The following SPOPL variants were observed in gnomAD, a reference collection of about 807,000 sequenced individuals.
SPOPL encodes the protein speckle-type POZ protein-like.
A neutral mutation model predicts 53.8 loss-of-function variants in SPOPL; 23 were observed. The ratio of observed to expected loss-of-function variants is 0.43; its 90% confidence interval spans 0.31 to 0.61. SPOPL has a LOEUF of 0.61. SPOPL is among the 20% of genes least tolerant of loss of function. SPOPL has a pLI of 0.12. For missense variants in SPOPL, 442 were observed against 466.9 expected (o/e 0.95, Z 0.49); for synonymous variants, 164 against 149.7 (o/e 1.10, Z -0.70).
intron 1 of SPOPL, among the ~76,000 whole-genome samples, chr2:138,502,795 T>G (rs1456658679): frequency 1.3e-5 from 2 of 152,198 alleles, no homozygotes; most frequent in Non-Finnish European, 2.9e-5. Flanking sequence ...TCCTAATTCT[T>G]TTTGAGTCAA....
chr2:138,513,639 C>G (rs1419936258), intron 1 of SPOPL, among the ~76,000 whole-genome samples: 1 of 151,604 alleles, frequency 6.6e-6, no homozygotes, highest in Non-Finnish European at 1.5e-5. Flanking sequence ...ACTCAGGAAG[C>G]TGAGGCAGGA....
At chr2:138,527,897 T>A (rs1028221992) in intron 1 of SPOPL, among the ~76,000 whole-genome samples, 1 of 152,212 alleles carries the variant, frequency 6.6e-6, no homozygotes, top group African/African-American at 2.4e-5. Flanking sequence ...CTCAACGTGA[T>A]GACTTCCCTG....
At chr2:138,547,363 C>T (rs989747120) in intron 1 of SPOPL, among the ~76,000 whole-genome samples, 6 of 152,198 alleles carry the variant, frequency 3.9e-5, no homozygotes, top group African/African-American at 1.2e-4. Context: ...AAGATAATAA[C>T]TCTTCTAGAG....
intron 1 of SPOPL, among the ~76,000 whole-genome samples, chr2:138,519,550 G>C (rs984492635): frequency 2.0e-5 from 3 of 152,194 alleles, no homozygotes. Flanking sequence ...AATATTGTAT[G>C]TGAAGAATAA....
At chr2:138,561,316 A>G (rs149816103) in intron 8 of SPOPL, among the ~76,000 whole-genome samples, 1,658 of 152,308 alleles carry the variant, frequency 0.011, 34 homozygotes, top group African/African-American at 0.038. Context: ...TTCTCTCCAC[A>G]TAGAGATTGT....
chr2:138,505,032 T>C (rs1684184445), intron 1 of SPOPL, among the ~76,000 whole-genome samples: 1 of 152,126 alleles, frequency 6.6e-6, no homozygotes, highest in Non-Finnish European at 1.5e-5. Context: ...GCAACATAGT[T>C]CTCATCTATT....
At chr2:138,567,015 T>A (rs943922621) in intron 10 of SPOPL, among the ~76,000 whole-genome samples, 1 of 152,178 alleles carries the variant, frequency 6.6e-6, no homozygotes, top group African/African-American at 2.4e-5. Context: ...TAGTAGTTGA[T>A]CATTCATTTG....
intron 1 of SPOPL, among the ~76,000 whole-genome samples, chr2:138,507,785 T>C (rs746666833): frequency 6.6e-6 from 1 of 152,234 alleles, no homozygotes; most frequent in Admixed American, 6.5e-5. Flanking sequence ...TGTGGAGGTA[T>C]CTTTTTAATA....
At chr2:138,562,715 C>T (rs1188971415) in intron 8 of SPOPL, among the ~76,000 whole-genome samples, 4 of 141,942 alleles carry the variant, frequency 2.8e-5, no homozygotes, top group Admixed American at 2.3e-4. Flanking sequence ...ACCCAGGAGG[C>T]AGAGGTTGCA....
intron 5 of SPOPL, chr2:138,554,413 G>A (rs760998112): frequency 8.4e-6 from 10 of 1,195,114 alleles, no homozygotes; most frequent in South Asian, 7.7e-5. Flanking sequence ...GTTCCACCCC[G>A]CTCACGGATG....
chr2:138,541,523 A>G lies in SPOPL; in HGVS notation c.-60-8634A>G, dbSNP rs182329984. On this transcript the variant is annotated intron_variant, in intron 1 of 10. Transcript: ENST00000280098. ...CCATTTCTTCTAGATTTTCTAGTTT[A>G]TTTGCATAGAGGTGTTTATAGTCTC... Among the ~76,000 whole-genome samples, 700 of 152,210 alleles carry G rather than the reference A, an allele frequency of 4.6e-3. 2 individuals carry two copies. The highest frequency in any genetic ancestry group is 0.016 in the African/African-American group (670 of 41,516).
chr2:138,524,805 G>C (rs1684634109), intron 1 of SPOPL, among the ~76,000 whole-genome samples: 1 of 152,194 alleles, frequency 6.6e-6, no homozygotes, highest in African/African-American at 2.4e-5. Flanking sequence ...ATCATTATTA[G>C]CATTTTGGTC....
chr2:138,561,019 A>G (rs1023232915), intron 8 of SPOPL, 92 bp downstream of exon 8: 11 of 1,442,202 alleles, frequency 7.6e-6, no homozygotes, highest in African/African-American at 1.5e-5. Flanking sequence ...AATAACTCGT[A>G]TTTTGTAGAT....
intron 1 of SPOPL, among the ~76,000 whole-genome samples, chr2:138,504,909 C>A (rs1274187171): frequency 1.3e-5 from 2 of 152,092 alleles, no homozygotes; most frequent in Non-Finnish European, 2.9e-5. Context: ...TTATTTAAAC[C>A]CATAATAATT....
chr2:138,541,609 T>C (rs888025176), intron 1 of SPOPL, among the ~76,000 whole-genome samples: 5 of 152,146 alleles, frequency 3.3e-5, no homozygotes, highest in African/African-American at 7.2e-5. Context: ...TTTTTTATTG[T>C]GTCTATTTGA....
At chr2:138,516,619 G>A (rs181359579) in intron 1 of SPOPL, among the ~76,000 whole-genome samples, 1 of 152,304 alleles carries the variant, frequency 6.6e-6, no homozygotes, top group Non-Finnish European at 1.5e-5. Context: ...AGGGAGACAA[G>A]TACTGATGAA....
At chr2:138,526,358 T>C (rs1684675094) in intron 1 of SPOPL, among the ~76,000 whole-genome samples, 1 of 152,178 alleles carries the variant, frequency 6.6e-6, no homozygotes, top group African/African-American at 2.4e-5. Flanking sequence ...TTGTCTTCAC[T>C]TCCATGTTTT....
At chr2:138,535,541 A>T in intron 1 of SPOPL, among the ~76,000 whole-genome samples, 1 of 131,132 alleles carries the variant, frequency 7.6e-6, no homozygotes. Context: ...TTTTTTTAAT[A>T]GCCATTCTAG....
chr2:138,514,820 T>C (rs1347146308), intron 1 of SPOPL, among the ~76,000 whole-genome samples: 2 of 152,184 alleles, frequency 1.3e-5, no homozygotes, highest in African/African-American at 2.4e-5. Flanking sequence ...ACCTCATCAG[T>C]AGTAGATGAG....
Sources: allele counts gnomAD v4.1 joint callset (sites outside exome capture counted in the v4.1 genomes callset), GRCh38; gene constraint gnomAD v4.1.1; transcripts MANE v1.5; gene names NCBI Gene and HGNC (gene_info 2026-07-23, HGNC 2026-07-21).